Variants in ABLIM3 observed in about 807,000 individuals in gnomAD.
The protein encoded by ABLIM3 is actin binding LIM protein family member 3, also known as actin-binding LIM protein 3.
Under a neutral mutation model 109.5 loss-of-function variants are expected in ABLIM3, and 61 were observed. That is an observed-to-expected ratio of 0.56 (90% confidence interval 0.45 to 0.69). The LOEUF is 0.69. Ranked by LOEUF, ABLIM3 falls within the 30% of genes least tolerant of loss-of-function variation. ABLIM3 has a pLI of 0.00. For synonymous variants in ABLIM3, 300 were observed against 324.8 expected (o/e 0.92, Z 0.82); for missense variants, 796 against 889.5 (o/e 0.89, Z 1.34).
At chr5:149,194,651 A>G (rs1757786051) in intron 3 of ABLIM3, among the ~76,000 whole-genome samples, 1 of 152,234 alleles carries the variant, frequency 6.6e-6, no homozygotes, top group African/African-American at 2.4e-5. Context: ...CTCAACACAC[A>G]ATACTCAGGG....
At chr5:149,233,707 G>T (rs547805490) in intron 10 of ABLIM3, among the ~76,000 whole-genome samples, 104 of 152,302 alleles carry the variant, frequency 6.8e-4, no homozygotes, top group Non-Finnish European at 1.2e-3. Context: ...TGGAGATAGT[G>T]GTGGGTGATA....
chr5:149,170,236 C>CTCTCTG (rs1755266424), intron 2 of ABLIM3, among the ~76,000 whole-genome samples: 1 of 150,272 alleles, frequency 6.7e-6, no homozygotes, highest in South Asian at 2.1e-4. Flanking sequence ...GTTTCTCTCT[C>CTCTCTG]TCTCTCTCTC....
chr5:149,173,468 G>T (rs867873312), intron 2 of ABLIM3, among the ~76,000 whole-genome samples: 2 of 152,170 alleles, frequency 1.3e-5, no homozygotes, highest in Non-Finnish European at 2.9e-5. Flanking sequence ...TTGTCCTGGT[G>T]TGGCCAGCAT....
At chr5:149,240,934 A>C (rs1752759438) in intron 14 of ABLIM3, among the ~76,000 whole-genome samples, 160 bp downstream of exon 14, 1 of 152,076 alleles carries the variant, frequency 6.6e-6, no homozygotes. Flanking sequence ...CAACCCCAAC[A>C]CACCCACGGG....
At chr5:149,253,614 T>G (rs529006171) in intron 23 of ABLIM3, among the ~76,000 whole-genome samples, 55 of 152,262 alleles carry the variant, frequency 3.6e-4, no homozygotes, top group African/African-American at 1.2e-3. Context: ...AAAGGAAGGA[T>G]GTAGACGGAC....
chr5:149,218,758 C>T (rs1760348016), intron 8 of ABLIM3: 1 of 152,266 alleles, frequency 6.6e-6, no homozygotes, highest in Non-Finnish European at 1.5e-5. Flanking sequence ...AGGATTTCCC[C>T]AACCCCACCC....
intron 5 of ABLIM3, among the ~76,000 whole-genome samples, chr5:149,203,397 A>T: frequency 1.0e-5 from 1 of 96,530 alleles, no homozygotes; most frequent in Non-Finnish European, 3.0e-5. Flanking sequence ...CATTGAGAGC[A>T]ATCAGATGCA....
intron 9 of ABLIM3, among the ~76,000 whole-genome samples, chr5:149,232,175 A>G (rs773288540): frequency 6.6e-6 from 1 of 152,188 alleles, no homozygotes; most frequent in Non-Finnish European, 1.5e-5. Context: ...ATGTGGTGGC[A>G]CGTGCCTGTA....
intron 5 of ABLIM3, among the ~76,000 whole-genome samples, chr5:149,204,280 A>G (rs1181780029): frequency 1.3e-5 from 2 of 152,184 alleles, no homozygotes; most frequent in Non-Finnish European, 2.9e-5. Flanking sequence ...AGAGAGGAAC[A>G]TATGGAGGAG....
At chr5:149,175,464 A>G (rs371667915) in intron 2 of ABLIM3, among the ~76,000 whole-genome samples, 22 of 152,166 alleles carry the variant, frequency 1.4e-4, no homozygotes, top group African/African-American at 5.3e-4. Context: ...ATGCCCAGCT[A>G]ATAAGAATGG....
At chr5:149,218,019 G>C (rs910854907) in intron 8 of ABLIM3, 1 of 152,326 alleles carries the variant, frequency 6.6e-6, no homozygotes, top group Admixed American at 6.5e-5. Flanking sequence ...GCCTTTGAGA[G>C]CACATAACGG....
At chr5:149,169,085 AC>A (rs149804104) in intron 2 of ABLIM3, among the ~76,000 whole-genome samples, 9 of 132,276 alleles carry the variant, frequency 6.8e-5, no homozygotes, top group East Asian at 2.7e-4. Context: ...TTGCTGTAGG[AC>A]CCCCCCACCC....
At chr5:149,205,879 C>T (rs1758916549) in intron 5 of ABLIM3, among the ~76,000 whole-genome samples, 1 of 152,176 alleles carries the variant, frequency 6.6e-6, no homozygotes, top group Non-Finnish European at 1.5e-5. Flanking sequence ...CCGGCTGGAC[C>T]CACCACCCTT....
At chr5:149,250,768 A>T (rs1201481673) in intron 20 of ABLIM3, among the ~76,000 whole-genome samples, 1 of 152,204 alleles carries the variant, frequency 6.6e-6, no homozygotes, top group Non-Finnish European at 1.5e-5. Flanking sequence ...CTTTGCAAGC[A>T]CTAATTTGTT....
Position 149,192,637 on chromosome 5 carries a change from GAAAA to G in ABLIM3, c.152-5571_152-5568del, listed in dbSNP as rs767252934. ...GAGACTCCGTCTCAAAAAAAAAAAA[GAAAA>G]AAAAAAAAAAGAAAGAAACACTCTG... On this transcript the variant is annotated intron_variant, in intron 3 of 23. Transcript: ENST00000309868. 3.4e-3 allele frequency among the ~76,000 whole-genome samples: 340 copies of G among 101,240 alleles called. 2 individuals carry two copies. The highest frequency in any genetic ancestry group is 0.011 in the Middle Eastern group (2 of 178). 66.4% of individuals were successfully genotyped at this position (101,240 alleles called of 152,430 possible).
At chr5:149,175,132 G>A (rs1400029554) in intron 2 of ABLIM3, among the ~76,000 whole-genome samples, 2 of 152,214 alleles carry the variant, frequency 1.3e-5, no homozygotes, top group East Asian at 3.9e-4. Context: ...ACACCCTAGG[G>A]ATGTTTCCCC....
intron 22 of ABLIM3, 53 bp from the exon 23 acceptor site, chr5:149,252,704 G>A (rs1012388783): frequency 7.2e-6 from 10 of 1,388,110 alleles, no homozygotes; most frequent in Admixed American, 3.4e-5. Flanking sequence ...TACCTGAAAG[G>A]AACAAGCCCA....
At position 149,246,525 on chromosome 5, in the gene ABLIM3, T is replaced by C; in HGVS notation, c.1530T>C (p.Asp510=). The change falls in exon 17 of 24, where the codon GAT becomes GAC. Residue 510 remains aspartate, a synonymous_variant. Coordinates refer to ENST00000309868, the MANE Select transcript of ABLIM3 (RefSeq NM_014945.5). ...TCTCGTCTGGAGGAGAGGAGGATGA[T>C]TTTGACCGCAGCATGCACAAGGTGG... is the stretch of plus-strand genomic sequence containing the variant. The part of the protein sequence containing the change: ...RRFSSGGEED[D]FDRSMHKLQS... 6.2e-7 allele frequency: 1 copy of C among 1,614,080 alleles called. No homozygotes were observed.
At chr5:149,213,939 TG>T (rs1759805653) in intron 7 of ABLIM3, among the ~76,000 whole-genome samples, 1 of 151,784 alleles carries the variant, frequency 6.6e-6, no homozygotes, top group Non-Finnish European at 1.5e-5. Flanking sequence ...GCAGCATTTC[TG>T]GTAGAGACAG....
Sources: gnomAD v4.1 joint callset for allele counts (sites outside exome capture counted in the v4.1 genomes callset) on GRCh38, gnomAD v4.1.1 for gene constraint, MANE v1.5 for transcripts, NCBI Gene and HGNC (gene_info 2026-07-23, HGNC 2026-07-21) for gene names.